The following GABRG2 variants were observed in gnomAD, a reference collection of about 807,000 sequenced individuals.
GABRG2 encodes gamma-aminobutyric acid receptor subunit gamma-2.
A neutral mutation model predicts 56.4 loss-of-function variants in GABRG2; 16 were observed. The observed-to-expected ratio is 0.28, with a 90% confidence interval of 0.19 to 0.43. GABRG2 has a LOEUF of 0.43. Ranked by LOEUF, GABRG2 falls within the 20% of genes least tolerant of loss-of-function variation. The probability of loss-of-function intolerance (pLI) is 1.00; values close to 1 mark genes in which losing one functional copy is unlikely to be tolerated. For missense variants in GABRG2, 327 were observed against 582.7 expected (o/e 0.56, Z 4.52); for synonymous variants, 208 against 205.5 (o/e 1.01, Z -0.10).
At chr5:162,102,343 T>C (rs1047914349) in intron 5 of GABRG2, 7 of 372,248 alleles carry the variant, frequency 1.9e-5, no homozygotes, top group African/African-American at 4.2e-5. Context: ...AATACTCCAA[T>C]TGGGACTACT....
chr5:162,097,574 AC>A, intron 3 of GABRG2, 63 bp from the exon 4 acceptor site: 1 of 1,192,064 alleles, frequency 8.4e-7, no homozygotes, highest in South Asian at 1.2e-5. Context: ...AATGAAATAT[AC>A]CAATATTTAA....
chr5:162,145,997 G>T (rs941666986), intron 7 of GABRG2, among the ~76,000 whole-genome samples: 7 of 151,062 alleles, frequency 4.6e-5, no homozygotes, highest in Admixed American at 2.6e-4. Flanking sequence ...TATTTATTAG[G>T]ATTTTACAAG....
chr5:162,079,693 G>T (rs953807696), intron 1 of GABRG2, among the ~76,000 whole-genome samples: 11 of 151,886 alleles, frequency 7.2e-5, no homozygotes, highest in Non-Finnish European at 1.3e-4. Flanking sequence ...TCATACCTAT[G>T]TATTTATTTA....
intron 7 of GABRG2, chr5:162,142,621 C>T: frequency 2.8e-6 from 1 of 352,782 alleles, no homozygotes; most frequent in South Asian, 2.2e-5. Context: ...AAGCTGGAAA[C>T]CATCATTCTC....
chr5:162,139,046 A>G (rs1287994466), intron 6 of GABRG2, among the ~76,000 whole-genome samples: 1 of 152,122 alleles, frequency 6.6e-6, no homozygotes, highest in African/African-American at 2.4e-5. Flanking sequence ...GTCTTTTCCT[A>G]AAAGTAGACA....
chr5:162,123,358 T>C (rs1375872396), intron 6 of GABRG2, among the ~76,000 whole-genome samples: 1 of 150,448 alleles, frequency 6.6e-6, no homozygotes, highest in East Asian at 2.0e-4. Context: ...GTTCTAGGCA[T>C]ATGAAACCTT....
intron 3 of GABRG2, 145 bp from the exon 4 acceptor site, chr5:162,097,493 C>A: frequency 1.5e-6 from 1 of 677,648 alleles, no homozygotes; most frequent in Non-Finnish European, 2.5e-6. Flanking sequence ...ACCTCCTCAG[C>A]AAAACTCTAG....
intron 7 of GABRG2, among the ~76,000 whole-genome samples, chr5:162,146,545 C>A (rs1456630001): frequency 6.6e-6 from 1 of 152,036 alleles, no homozygotes; most frequent in Admixed American, 6.5e-5. Context: ...TATTCTCAAA[C>A]ATAGATTGAG....
intron 6 of GABRG2, among the ~76,000 whole-genome samples, chr5:162,107,513 C>A (rs1761922947): frequency 3.9e-5 from 6 of 152,106 alleles, no homozygotes; most frequent in Admixed American, 3.9e-4. Flanking sequence ...AATTTGCTCA[C>A]CAGGAAATTT....
At chr5:162,085,565 T>A (rs1039200641) in intron 1 of GABRG2, among the ~76,000 whole-genome samples, 56 of 151,710 alleles carry the variant, frequency 3.7e-4, no homozygotes, top group Non-Finnish European at 6.9e-4. Flanking sequence ...CTTCTTTTTT[T>A]TTTTACTTTT....
At chr5:162,087,757 A>G (rs2113250027) in intron 1 of GABRG2, among the ~76,000 whole-genome samples, 1 of 152,268 alleles carries the variant, frequency 6.6e-6, no homozygotes, top group East Asian at 1.9e-4. Flanking sequence ...GAATGTTGTG[A>G]TACTTACAAT....
intron 1 of GABRG2, among the ~76,000 whole-genome samples, chr5:162,091,580 A>AC (rs924936128): frequency 6.6e-6 from 1 of 152,016 alleles, no homozygotes; most frequent in Non-Finnish European, 1.5e-5. Flanking sequence ...TGATTCCCAA[A>AC]CAGGTACTCT....
At chr5:162,133,208 A>T (rs1330983653) in intron 6 of GABRG2, among the ~76,000 whole-genome samples, 1 of 152,138 alleles carries the variant, frequency 6.6e-6, no homozygotes, top group Non-Finnish European at 1.5e-5. Context: ...TTATTCTTCA[A>T]ATCGACTGTC....
At chr5:162,119,295 T>G (rs1185808111) in intron 6 of GABRG2, among the ~76,000 whole-genome samples, 1 of 152,156 alleles carries the variant, frequency 6.6e-6, no homozygotes, top group Non-Finnish European at 1.5e-5. Flanking sequence ...TATTTCCTCC[T>G]GAAAACTGAT....
chr5:162,107,485 A>G (rs866949627), intron 6 of GABRG2, among the ~76,000 whole-genome samples: 2 of 152,210 alleles, frequency 1.3e-5, no homozygotes, highest in Non-Finnish European at 2.9e-5. Context: ...AGAAGAATAG[A>G]AGCATTTCAT....
At chr5:162,108,901 T>C (rs1050307413) in intron 6 of GABRG2, among the ~76,000 whole-genome samples, 1 of 152,170 alleles carries the variant, frequency 6.6e-6, no homozygotes. Context: ...TCTATCATTG[T>C]TGGACATTTG....
chr5:162,103,757 T>C, intron 5 of GABRG2, 132 bp from the exon 6 acceptor site: 1 of 958,424 alleles, frequency 1.0e-6, no homozygotes, highest in Non-Finnish European at 1.6e-6. Context: ...CAATGCCCTT[T>C]GGTCCAAGAT....
rs530129269 is a variant in GABRG2 at position 162,142,476 on chromosome 5, A to G, written c.922+160A>G. On this transcript the variant is annotated intron_variant, in intron 7 of 9. Coordinates refer to ENST00000639213, the MANE Select transcript of GABRG2 (RefSeq NM_198904.4). ...AGAGAACTGGCATTTTTAATTCACA[A>G]TAGCAAAGACTTGGAACCAACCCAA... 69 of 773,306 alleles carry G rather than the reference A, an allele frequency of 8.9e-5. No individual in the cohort carries two copies. The African/African-American group carries it at 1.0e-3, about 11-fold the overall frequency. 47.9% of individuals were successfully genotyped at this position (773,306 alleles called of 1,614,324 possible).
At chr5:162,148,632 T>C (rs1392597492) in intron 7 of GABRG2, among the ~76,000 whole-genome samples, 2 of 152,196 alleles carry the variant, frequency 1.3e-5, no homozygotes, top group Admixed American at 1.3e-4. Context: ...TCTAAAAATT[T>C]AAATAACAGA....
Sources: allele counts gnomAD v4.1 joint callset (sites outside exome capture counted in the v4.1 genomes callset), GRCh38; gene constraint gnomAD v4.1.1; transcripts MANE v1.5; gene names NCBI Gene and HGNC (gene_info 2026-07-23, HGNC 2026-07-21).